The following SPAG16 variants were observed in gnomAD, a reference collection of about 807,000 sequenced individuals.
The protein encoded by SPAG16 is sperm associated antigen 16, also known as sperm-associated antigen 16 protein.
A neutral mutation model predicts 80.4 loss-of-function variants in SPAG16; 86 were observed. The ratio of observed to expected loss-of-function variants is 1.07; its 90% CI spans 0.90 to 1.28. SPAG16 has a LOEUF of 1.28. Ranked by LOEUF, SPAG16 falls within the 50% of genes most tolerant of loss-of-function variation. The probability of loss-of-function intolerance (pLI) is 0.00; values close to 1 mark genes in which losing one functional copy is unlikely to be tolerated. For missense variants in SPAG16, 870 were observed against 765.3 expected (o/e 1.14, Z -1.61); for synonymous variants, 294 against 265.9 (o/e 1.11, Z -1.03).
intron 10 of SPAG16, among the ~76,000 whole-genome samples, chr2:213,582,628 C>T (rs1320646044): frequency 6.6e-6 from 1 of 152,134 alleles, no homozygotes; most frequent in Non-Finnish European, 1.5e-5. Flanking sequence ...AGAAAGGGCA[C>T]TCTGTGCGTA....
At chr2:214,222,923 A>G (rs1399779585) in intron 15 of SPAG16, among the ~76,000 whole-genome samples, 1 of 152,190 alleles carries the variant, frequency 6.6e-6, no homozygotes, top group African/African-American at 2.4e-5. Flanking sequence ...AAGGTTAAAT[A>G]CCATTTATTT....
chr2:213,955,912 T>C (rs987642932), intron 12 of SPAG16, among the ~76,000 whole-genome samples: 5 of 151,992 alleles, frequency 3.3e-5, no homozygotes. Context: ...TAAAAGTTTG[T>C]CAATTTTGTT....
intron 9 of SPAG16, among the ~76,000 whole-genome samples, chr2:213,421,973 T>C (rs2069617060): frequency 6.6e-6 from 1 of 152,192 alleles, no homozygotes; most frequent in African/African-American, 2.4e-5. Flanking sequence ...CTCTGTTCTG[T>C]CACCCAGTAA....
chr2:213,588,848 C>G (rs1347790264), intron 10 of SPAG16, among the ~76,000 whole-genome samples: 1 of 94,990 alleles, frequency 1.1e-5, no homozygotes, highest in South Asian at 3.5e-4. Context: ...AAAAAAGACT[C>G]CCTATCCATT....
At chr2:213,511,983 T>G (rs2075243756) in intron 10 of SPAG16, among the ~76,000 whole-genome samples, 1 of 152,104 alleles carries the variant, frequency 6.6e-6, no homozygotes, top group Non-Finnish European at 1.5e-5. Flanking sequence ...TGTCTAATTT[T>G]TCTCCTCTGG....
Position 214,108,479 on chromosome 2 carries a change from A to ACACCGCC in SPAG16, c.1593+219_1593+220insACCGCCC, listed in dbSNP as rs71409874. On this transcript the variant is annotated intron_variant, in intron 14 of 15. Transcript: ENST00000331683. The stretch of plus-strand genomic sequence containing the variant: ...CACACACACACACACACACACACAC[A>ACACCGCC]CCCCCACACACACCCCAAGTCGTAG... 7.6e-5 allele frequency among the ~76,000 whole-genome samples: 4 copies of ACACCGCC among 52,374 alleles called. No individual in the cohort carries two copies. The South Asian group carries it at 1.7e-3, about 22-fold the overall frequency. 34.4% of individuals were successfully genotyped at this position (52,374 alleles called of 152,430 possible).
At chr2:213,679,999 C>T (rs1348079956) in intron 10 of SPAG16, among the ~76,000 whole-genome samples, 4 of 151,990 alleles carry the variant, frequency 2.6e-5, no homozygotes, top group East Asian at 1.9e-4. Context: ...AAATTGATAG[C>T]AGATTATCAC....
chr2:213,910,170 C>A (rs1481951235), intron 11 of SPAG16, among the ~76,000 whole-genome samples: 2 of 152,074 alleles, frequency 1.3e-5, no homozygotes, highest in East Asian at 1.9e-4. Context: ...TGACTAATAG[C>A]CTTTTTATGA....
intron 8 of SPAG16, among the ~76,000 whole-genome samples, chr2:213,365,820 A>G (rs2066248490): frequency 2.0e-5 from 3 of 152,042 alleles, no homozygotes; most frequent in Admixed American, 6.5e-5. Context: ...GTAAATTTCA[A>G]GAGAGATCCA....
chr2:213,372,392 AAAT>A (rs1193390205), intron 8 of SPAG16, among the ~76,000 whole-genome samples: 7 of 152,094 alleles, frequency 4.6e-5, no homozygotes, highest in African/African-American at 1.7e-4. Flanking sequence ...TTTAAAGAGG[AAAT>A]AAATGTCATA....
intron 15 of SPAG16, among the ~76,000 whole-genome samples, chr2:214,379,561 T>A (rs1366439595): frequency 2.0e-5 from 3 of 152,214 alleles, no homozygotes; most frequent in African/African-American, 7.2e-5. Context: ...GGTCCTCATG[T>A]CCTACAGGGA....
chr2:213,634,977 A>G, intron 10 of SPAG16, among the ~76,000 whole-genome samples: 1 of 151,262 alleles, frequency 6.6e-6, no homozygotes, highest in East Asian at 1.9e-4. Context: ...TATATACTCC[A>G]CATTTTCTTT....
chr2:213,296,109 A>G lies in SPAG16; in HGVS notation c.182A>G (p.Glu61Gly). 1 of 1,600,574 alleles carries G rather than the reference A, an allele frequency of 6.2e-7. No homozygotes were observed. Among genetic ancestry groups the G allele is most frequent in the Non-Finnish European group, 8.6e-7 (1 of 1,168,728 alleles). Residue 61 changes from glutamate (E) to glycine (G), a missense_variant and splice_region_variant, in exon 2 of 16, where the codon GAG becomes GGG. Coordinates refer to ENST00000331683, the MANE Select transcript of SPAG16 (RefSeq NM_024532.5). ...TCTGAAGATGACTATGAATATGAAGAGGTAACATGTTAATTTTAGGTGTTT... is the reference window on the plus strand; with the variant it reads ...TCTGAAGATGACTATGAATATGAAGGGGTAACATGTTAATTTTAGGTGTTT... Reference protein sequence around the residue: ...EASEDDYEYEEIPDDNFSIPE... With the variant: ...EASEDDYEYEGIPDDNFSIPE...
chr2:213,473,263 C>T (rs754695420), intron 9 of SPAG16, among the ~76,000 whole-genome samples: 9 of 152,160 alleles, frequency 5.9e-5, no homozygotes, highest in Non-Finnish European at 1.0e-4. Flanking sequence ...TACCTATGCT[C>T]ACCTTGCTTT....
intron 9 of SPAG16, among the ~76,000 whole-genome samples, chr2:213,432,337 C>G (rs1446020368): frequency 6.6e-6 from 1 of 151,744 alleles, no homozygotes; most frequent in Non-Finnish European, 1.5e-5. Context: ...ATTGATAAAC[C>G]ACTAGCTAGA....
At chr2:213,319,397 G>A (rs1397481985) in intron 5 of SPAG16, among the ~76,000 whole-genome samples, 2 of 151,788 alleles carry the variant, frequency 1.3e-5, no homozygotes, top group East Asian at 1.9e-4. Context: ...TTTTTGCAAG[G>A]TATATAAATT....
At chr2:213,701,379 G>C (rs183384035) in intron 10 of SPAG16, among the ~76,000 whole-genome samples, 10 of 152,286 alleles carry the variant, frequency 6.6e-5, no homozygotes, top group African/African-American at 1.7e-4. Flanking sequence ...TAATAACAAT[G>C]ATAACGAGAG....
At chr2:213,460,549 A>G (rs1156954517) in intron 9 of SPAG16, among the ~76,000 whole-genome samples, 1 of 152,230 alleles carries the variant, frequency 6.6e-6, no homozygotes, top group African/African-American at 2.4e-5. Flanking sequence ...AGATTAAGCT[A>G]ATTTTGACCA....
At chr2:213,811,224 T>A (rs2072131094) in intron 10 of SPAG16, among the ~76,000 whole-genome samples, 1 of 152,188 alleles carries the variant, frequency 6.6e-6, no homozygotes, top group Admixed American at 6.5e-5. Flanking sequence ...CTAATGTAGC[T>A]CTTGGAAATA....
Sources: allele counts gnomAD v4.1 joint callset (sites outside exome capture counted in the v4.1 genomes callset), GRCh38; gene constraint gnomAD v4.1.1; transcripts MANE v1.5; gene names NCBI Gene and HGNC (gene_info 2026-07-23, HGNC 2026-07-21).